SLC35F4: variants seen among roughly 807,000 people sequenced by gnomAD.
SLC35F4 encodes the protein solute carrier family 35 member F4.
Under a neutral mutation model 44.2 loss-of-function variants are expected in SLC35F4, and 24 were observed. The ratio of observed to expected loss-of-function variants is 0.54; its 90% CI spans 0.39 to 0.76. The LOEUF is 0.76. Ranked by LOEUF, SLC35F4 falls within the 30% of genes least tolerant of loss-of-function variation. The pLI is 0.00. For synonymous variants in SLC35F4, 238 were observed against 223.6 expected (o/e 1.06, Z -0.57); for missense variants, 562 against 586.1 (o/e 0.96, Z 0.42).
intron 1 of SLC35F4, among the ~76,000 whole-genome samples, chr14:57,608,223 C>G (rs1458791956): frequency 1.3e-5 from 2 of 152,154 alleles, no homozygotes; most frequent in African/African-American, 4.8e-5. Flanking sequence ...TCCCCTCCGT[C>G]AAATTCACAT....
chr14:57,759,880 G>GTTTTTTT (rs60160945), intron 1 of SLC35F4, among the ~76,000 whole-genome samples: 1 of 140,518 alleles, frequency 7.1e-6, no homozygotes, highest in Non-Finnish European at 1.6e-5. Context: ...TTCTTTGCTT[G>GTTTTTTT]TTTTTTTTTT....
At chr14:57,775,432 G>T (rs1232834435) in intron 1 of SLC35F4, among the ~76,000 whole-genome samples, 1 of 152,224 alleles carries the variant, frequency 6.6e-6, no homozygotes, top group East Asian at 1.9e-4. Flanking sequence ...AAGCACCTCA[G>T]CCCCTCCGGT....
intron 1 of SLC35F4, among the ~76,000 whole-genome samples, chr14:57,698,967 A>C (rs970126038): frequency 2.0e-5 from 3 of 152,140 alleles, no homozygotes; most frequent in African/African-American, 7.2e-5. Flanking sequence ...GAAGGATGAC[A>C]GCAGATGCCA....
At chr14:57,783,228 C>T (rs1470908269) in intron 1 of SLC35F4, among the ~76,000 whole-genome samples, 1 of 151,676 alleles carries the variant, frequency 6.6e-6, no homozygotes, top group Non-Finnish European at 1.5e-5. Context: ...GTATCTAAAG[C>T]TGGAGGATTT....
At chr14:57,932,220 C>T (rs1484244330) in intron 1 of SLC35F4, among the ~76,000 whole-genome samples, 1 of 152,116 alleles carries the variant, frequency 6.6e-6, no homozygotes, top group Non-Finnish European at 1.5e-5. Flanking sequence ...TTAAGTAAAG[C>T]TTTCCACAGT....
rs181779921 is a variant in SLC35F4, at chr14:57,926,193, C to T, written n.282+55720G>A. ...CCAGCTACCATTTTTACAAATAAAC[C>T]GTAAAGCCCTGGAGGCAGAGCCTCT... On this transcript the variant is annotated intron_variant and non_coding_transcript_variant, in intron 1 of 1. Transcript: ENST00000556568. Among the ~76,000 whole-genome samples, 715 of 152,280 alleles carry T rather than the reference C, an allele frequency of 4.7e-3. 2 individuals are homozygous for T. Among genetic ancestry groups the T allele is most frequent in the African/African-American group, 0.016 (656 of 41,564 alleles).
intron 1 of SLC35F4, among the ~76,000 whole-genome samples, chr14:57,686,016 G>A (rs1042746141): frequency 4.6e-5 from 7 of 152,260 alleles, no homozygotes; most frequent in African/African-American, 1.4e-4. Context: ...TTCAACACAT[G>A]TGACATTGGG....
intron 1 of SLC35F4, among the ~76,000 whole-genome samples, chr14:57,937,269 T>C (rs1310297160): frequency 6.6e-6 from 1 of 152,074 alleles, no homozygotes; most frequent in Non-Finnish European, 1.5e-5. Context: ...GGTTTCTCAA[T>C]GTCGGTCAGG....
chr14:57,686,994 A>G (rs2075086897), intron 1 of SLC35F4, among the ~76,000 whole-genome samples: 1 of 152,102 alleles, frequency 6.6e-6, no homozygotes, highest in Admixed American at 6.6e-5. Context: ...CCTTAATTCA[A>G]TATAACTGGT....
intron 1 of SLC35F4, among the ~76,000 whole-genome samples, chr14:57,719,676 TACTGAATTTATTGATCAGTTCTA>T (rs1457240642): frequency 1.3e-5 from 2 of 152,188 alleles, no homozygotes; most frequent in Admixed American, 1.3e-4. Flanking sequence ...CATGCAACTT[TACTGAATTTATTGATCAGTTCTA>T]ATAGTTTTTT....
intron 1 of SLC35F4, among the ~76,000 whole-genome samples, chr14:57,647,558 G>A (rs1349370149): frequency 1.3e-5 from 2 of 152,066 alleles, no homozygotes; most frequent in Admixed American, 1.3e-4. Context: ...ACCCCTTAAT[G>A]TTTCAGTCCA....
chr14:57,677,387 T>G (rs1347385459), intron 1 of SLC35F4, among the ~76,000 whole-genome samples: 1 of 150,794 alleles, frequency 6.6e-6, no homozygotes, highest in African/African-American at 2.5e-5. Flanking sequence ...AAAAACCTTC[T>G]TTACCCCCAA....
At chr14:57,673,346 T>C (rs1041730308) in intron 1 of SLC35F4, among the ~76,000 whole-genome samples, 3 of 152,136 alleles carry the variant, frequency 2.0e-5, no homozygotes, top group African/African-American at 7.2e-5. Context: ...AAGCAGTAAG[T>C]TGCATGTTTG....
intron 2 of SLC35F4, among the ~76,000 whole-genome samples, chr14:57,591,208 T>C (rs1260342446): frequency 1.3e-5 from 2 of 152,214 alleles, no homozygotes; most frequent in African/African-American, 2.4e-5. Context: ...GCCCATGGTC[T>C]AGTGGAAAGC....
At chr14:57,568,480 A>C (rs1215644779) in intron 6 of SLC35F4, among the ~76,000 whole-genome samples, 1 of 152,204 alleles carries the variant, frequency 6.6e-6, no homozygotes, top group Non-Finnish European at 1.5e-5. Flanking sequence ...TCTTACAGAA[A>C]TATCACTATT....
intron 1 of SLC35F4, among the ~76,000 whole-genome samples, chr14:57,718,961 T>C (rs538633022): frequency 6.6e-6 from 1 of 152,328 alleles, no homozygotes; most frequent in African/African-American, 2.4e-5. Context: ...AGTTATTTCA[T>C]AGTTTAAGGA....
intron 1 of SLC35F4, among the ~76,000 whole-genome samples, chr14:57,833,534 C>T (rs1884597980): frequency 6.6e-6 from 1 of 152,130 alleles, no homozygotes; most frequent in Admixed American, 6.5e-5. Context: ...GCCTGGGAGA[C>T]ATTCACTTCA....
rs570392889 is a variant in SLC35F4 at position 57,786,528 on chromosome 14, C to T, written c.103+79195G>A. On this transcript the variant is annotated intron_variant, in intron 1 of 7. Transcript: ENST00000556826. Reference sequence around the variant, plus strand: ...CACGGAGTCCATTGCACTCCCTTGTCATGTCCACAGAACAGGTGCAGGTAT... The same window carrying T: ...CACGGAGTCCATTGCACTCCCTTGTTATGTCCACAGAACAGGTGCAGGTAT... 7.2e-5 allele frequency among the ~76,000 whole-genome samples: 11 copies of T among 152,294 alleles called. No individual in the cohort carries two copies. In the East Asian group the frequency reaches 1.7e-3, roughly 24 times the overall value.
At chr14:57,846,893 G>A (rs1407955604) in intron 1 of SLC35F4, among the ~76,000 whole-genome samples, 1 of 152,136 alleles carries the variant, frequency 6.6e-6, no homozygotes, top group African/African-American at 2.4e-5. Flanking sequence ...AACAGAGAAG[G>A]GAATATATGG....
Sources: allele counts gnomAD v4.1 joint callset (sites outside exome capture counted in the v4.1 genomes callset), GRCh38; gene constraint gnomAD v4.1.1; transcripts MANE v1.5; gene names NCBI Gene and HGNC (gene_info 2026-07-23, HGNC 2026-07-21).